Variants in USP53 observed in about 807,000 individuals in gnomAD.
The protein encoded by USP53 is ubiquitin specific peptidase 53.
A neutral mutation model predicts 94.9 loss-of-function variants in USP53; 71 were observed. The ratio of observed to expected loss-of-function variants is 0.75; its 90% CI spans 0.62 to 0.91. The LOEUF (loss-of-function observed/expected upper bound fraction) is 0.91. Among genes scored for constraint, USP53 ranks in the 40% least tolerant of loss-of-function variants. The pLI, the probability that USP53 is intolerant of heterozygous loss-of-function variation, is 0.00. For missense variants in USP53, 1,173 were observed against 1,281.0 expected (o/e 0.92, Z 1.29); for synonymous variants, 375 against 422.7 (o/e 0.89, Z 1.39).
intron 12 of USP53, among the ~76,000 whole-genome samples, chr4:119,262,349 G>T (rs1750615529): frequency 6.6e-6 from 1 of 151,982 alleles, no homozygotes; most frequent in African/African-American, 2.4e-5. Flanking sequence ...GAACAACATA[G>T]GAGTGCCAAG....
chr4:119,249,141 C>T (rs1353083459), intron 7 of USP53, among the ~76,000 whole-genome samples: 3 of 152,144 alleles, frequency 2.0e-5, no homozygotes, highest in South Asian at 4.1e-4. Context: ...TTAGTTGGAG[C>T]AATAAGCTTT....
At chr4:119,233,732 T>G (rs1746371327) in intron 3 of USP53, among the ~76,000 whole-genome samples, 1 of 152,228 alleles carries the variant, frequency 6.6e-6, no homozygotes, top group African/African-American at 2.4e-5. Context: ...GTCTTTTTTC[T>G]TATGGTATTG....
chr4:119,255,308 T>G (rs1749607397), intron 7 of USP53, among the ~76,000 whole-genome samples: 2 of 152,188 alleles, frequency 1.3e-5, no homozygotes, highest in South Asian at 4.1e-4. Flanking sequence ...CTGCTGCCTT[T>G]TGTTCAGATA....
intron 4 of USP53, among the ~76,000 whole-genome samples, 200 bp from the exon 5 acceptor site, chr4:119,239,018 T>TA (rs1373148582): frequency 3.3e-5 from 5 of 152,128 alleles, no homozygotes; most frequent in Non-Finnish European, 7.4e-5. Flanking sequence ...GAGCTTAAGG[T>TA]AGGTAGGGAT....
intron 3 of USP53, among the ~76,000 whole-genome samples, chr4:119,224,876 CT>C (rs1218679469): frequency 6.6e-6 from 1 of 151,976 alleles, no homozygotes; most frequent in Admixed American, 6.6e-5. Flanking sequence ...GAAGAAAGCT[CT>C]AAGCTTTTAT....
chr4:119,257,269 C>T (rs1205436736), intron 9 of USP53, among the ~76,000 whole-genome samples: 1 of 152,094 alleles, frequency 6.6e-6, no homozygotes, highest in Non-Finnish European at 1.5e-5. Flanking sequence ...TGGTGTAACC[C>T]CGTCTCTACT....
intron 3 of USP53, among the ~76,000 whole-genome samples, chr4:119,232,908 T>C (rs1746253839): frequency 6.6e-6 from 1 of 152,150 alleles, no homozygotes; most frequent in South Asian, 2.1e-4. Flanking sequence ...ATTTGAAGTT[T>C]AGATAAAAAT....
intron 3 of USP53, among the ~76,000 whole-genome samples, chr4:119,232,380 A>G (rs1270989294): frequency 6.6e-6 from 1 of 152,204 alleles, no homozygotes; most frequent in African/African-American, 2.4e-5. Flanking sequence ...TATGAATGGA[A>G]TCATGTAATA....
chr4:119,259,295 AG>A lies in USP53; in HGVS notation c.570-517del, dbSNP rs965171704. 2.1e-4 allele frequency among the ~76,000 whole-genome samples: 28 copies of A among 133,596 alleles called. No homozygotes were observed. In the East Asian group the frequency reaches 4.6e-3, roughly 22 times the overall value. The allele number at this position is 133,596 out of a possible 152,430, so 87.6% of individuals were successfully genotyped here. ...GACCCCATCTCAAAAAAAAAAAAAA[AG>A]GGGGGGGAGTAATATTCAAAATAAG... On this transcript the variant is annotated intron_variant, in intron 9 of 18. Coordinates refer to ENST00000692078, the MANE Select transcript of USP53 (RefSeq NM_001371395.1).
intron 3 of USP53, among the ~76,000 whole-genome samples, chr4:119,226,657 A>G (rs1441261590): frequency 6.6e-6 from 1 of 152,196 alleles, no homozygotes; most frequent in African/African-American, 2.4e-5. Context: ...GGAGGTCTCA[A>G]TATTGTTAAG....
In USP53 at chr4:119,292,655, GTTACTT is replaced by G. The variant is rs750264026; in HGVS notation, c.2668_2673del (p.Tyr890_Phe891del). The G allele has an allele frequency of 2.8e-5, 45 of 1,613,950 alleles. No homozygotes were observed. The highest frequency in any genetic ancestry group is 3.7e-5 in the Non-Finnish European group (44 of 1,179,976). ...CAGCAACAAAATATCATGGATCAAT[GTTACTT>G]TGAGAACTCTCTATCCACAGAATGT... On this transcript the variant is annotated inframe_deletion, in exon 19 of 19. Coordinates refer to ENST00000692078, the MANE Select transcript of USP53 (RefSeq NM_001371395.1).
intron 7 of USP53, among the ~76,000 whole-genome samples, chr4:119,255,177 G>A (rs1749585063): frequency 6.6e-6 from 1 of 152,214 alleles, no homozygotes; most frequent in East Asian, 1.9e-4. Flanking sequence ...AGGCTACACA[G>A]GGGTCAGGAA....
intron 6 of USP53, among the ~76,000 whole-genome samples, chr4:119,247,586 C>T (rs909250901): frequency 2.0e-5 from 3 of 152,064 alleles, no homozygotes; most frequent in African/African-American, 7.2e-5. Flanking sequence ...TATATAATTA[C>T]TTCTTTGCCT....
intron 3 of USP53, among the ~76,000 whole-genome samples, chr4:119,223,528 T>C (rs1033992358): frequency 6.6e-6 from 1 of 152,174 alleles, no homozygotes; most frequent in Non-Finnish European, 1.5e-5. Flanking sequence ...GATTGTAGGA[T>C]TGGTGAAAAG....
intron 17 of USP53, among the ~76,000 whole-genome samples, chr4:119,288,398 C>T (rs1389476421): frequency 1.3e-5 from 2 of 152,108 alleles, no homozygotes; most frequent in African/African-American, 4.8e-5. Context: ...ATGAAGAAAG[C>T]CCATTTACAC....
rs1307733535 is a variant in USP53 at position 119,294,990 on chromosome 4, T to C, written c.*1779T>C. ...TTTCTTCTTTTATAACATTGTAAGA[T>C]ACTAGAAAAATGGGCTTCAAGTTTT... On this transcript the variant is annotated 3_prime_UTR_variant, in exon 19 of 19. Transcript: ENST00000692078. 6.6e-6 allele frequency: 1 copy of C among 152,080 alleles called. No individual in the cohort carries two copies. 9.4% of individuals were successfully genotyped at this position (152,080 alleles called of 1,614,324 possible).
In USP53 at chr4:119,293,461, A is replaced by G. The variant is rs1754992095; in HGVS notation, c.*250A>G. ...TATGTGTATATGTGTATACACATAT[A>G]TAATTTTATGATCAATATCTTAGAT... On this transcript the variant is annotated 3_prime_UTR_variant, in exon 19 of 19. Coordinates refer to ENST00000692078, the MANE Select transcript of USP53 (RefSeq NM_001371395.1). 1 of 326,732 alleles carries G rather than the reference A, an allele frequency of 3.1e-6. No homozygotes were observed. The highest frequency in any genetic ancestry group is 5.5e-6 in the Non-Finnish European group (1 of 181,382). The allele number at this position is 326,732 out of a possible 1,614,324, so 20.2% of individuals were successfully genotyped here. A position where few individuals can be genotyped will look rare whatever the true frequency, so the allele number is the denominator to read the frequency against.
Position 119,261,701 on chromosome 4 carries a change from A to C in USP53, c.823-14A>C, listed in dbSNP as rs1242329824. Reference sequence around the variant, plus strand: ...ATGTAGTGTTAAGTGTACATTACCAATTTTTTTAAACAGCTTTTTTATAGA... The same window carrying C: ...ATGTAGTGTTAAGTGTACATTACCACTTTTTTTAAACAGCTTTTTTATAGA... On this transcript the variant is annotated splice_polypyrimidine_tract_variant and intron_variant, in intron 11 of 18. Coordinates refer to ENST00000692078, the MANE Select transcript of USP53 (RefSeq NM_001371395.1). 1 of 1,558,896 alleles carries C rather than the reference A, an allele frequency of 6.4e-7. No homozygotes were observed. The highest frequency in any genetic ancestry group is 8.8e-7 in the Non-Finnish European group (1 of 1,142,614).
At chr4:119,244,640 G>C (rs1397346753) in intron 5 of USP53, among the ~76,000 whole-genome samples, 8 of 152,132 alleles carry the variant, frequency 5.3e-5, no homozygotes, top group Non-Finnish European at 8.8e-5. Context: ...CTAGAATTCA[G>C]GTTTTTCAGA....
Sources: gnomAD v4.1 joint callset for allele counts (sites outside exome capture counted in the v4.1 genomes callset) on GRCh38, gnomAD v4.1.1 for gene constraint, MANE v1.5 for transcripts, NCBI Gene and HGNC (gene_info 2026-07-23, HGNC 2026-07-21) for gene names.